The following LHX8 variants were observed in gnomAD, a reference collection of about 807,000 sequenced individuals.
LHX8 encodes the protein LIM/homeobox protein Lhx8.
In LHX8, 12 loss-of-function variants were observed where a neutral mutation model predicts 40.3. The observed-to-expected ratio is 0.30, with a 90% CI of 0.19 to 0.48. LHX8 has a LOEUF of 0.48. Among genes scored for constraint, LHX8 ranks in the 20% least tolerant of loss-of-function variants. LHX8 has a pLI of 0.99. For synonymous variants in LHX8, 179 were observed against 162.0 expected, an observed-to-expected ratio of 1.10 and a Z score of -0.80; for missense variants, 344 against 433.7, an observed-to-expected ratio of 0.79 and a Z score of 1.84.
the LHX8 span, among the ~76,000 whole-genome samples, chr1:75,176,913 C>T: frequency 6.6e-6 from 1 of 152,142 alleles, no homozygotes; most frequent in Non-Finnish European, 1.5e-5. Flanking sequence ...TTTCCTAGCA[C>T]CATTTATTAA....
intron 7 of LHX8, among the ~76,000 whole-genome samples, chr1:75,149,746 C>T (rs755003956): frequency 6.6e-6 from 1 of 152,082 alleles, no homozygotes; most frequent in Non-Finnish European, 1.5e-5. Context: ...AGAGTCTCAC[C>T]GTGTTGCCCA....
chr1:75,195,421 C>G, the LHX8 span, among the ~76,000 whole-genome samples: 2 of 152,100 alleles, frequency 1.3e-5, no homozygotes, highest in African/African-American at 2.4e-5. Context: ...CAGTCCTTAT[C>G]CTTAGGTGAA....
At chr1:75,176,812 A>G in the LHX8 span, among the ~76,000 whole-genome samples, 1 of 152,182 alleles carries the variant, frequency 6.6e-6, no homozygotes. Flanking sequence ...TTTAGGTCTA[A>G]AATGTAAGTC....
downstream of LHX8, among the ~76,000 whole-genome samples, chr1:75,163,002 TGA>T (rs1335212650): frequency 4.3e-5 from 6 of 138,196 alleles, no homozygotes; most frequent in Admixed American, 4.7e-4. Flanking sequence ...TCATGAGCTG[TGA>T]GAGGGTAGGA....
chr1:75,197,712 A>G, the LHX8 span, among the ~76,000 whole-genome samples: 1 of 152,158 alleles, frequency 6.6e-6, no homozygotes, highest in Non-Finnish European at 1.5e-5. Flanking sequence ...CAGGAGCCTC[A>G]CCTATAAGGC....
chr1:75,197,491 G>A, the LHX8 span, among the ~76,000 whole-genome samples: 10 of 152,236 alleles, frequency 6.6e-5, no homozygotes, highest in Middle Eastern at 3.4e-3. Context: ...CAAGTTACAT[G>A]TTATAGATGG....
the LHX8 span, among the ~76,000 whole-genome samples, chr1:75,174,289 CT>C: frequency 6.6e-6 from 1 of 152,172 alleles, no homozygotes; most frequent in African/African-American, 2.4e-5. Flanking sequence ...GGTACAACCC[CT>C]GTCTGCTGAA....
At chr1:75,178,485 G>C in the LHX8 span, among the ~76,000 whole-genome samples, 1 of 152,092 alleles carries the variant, frequency 6.6e-6, no homozygotes, top group African/African-American at 2.4e-5. Flanking sequence ...ATTCTTTGAT[G>C]GTAGTTTGTA....
Position 75,160,675 on chromosome 1 carries a change from G to T in LHX8, c.965-144G>T, listed in dbSNP as rs1013079223. The T allele has an allele frequency of 5.7e-6, 4 of 704,338 alleles. No homozygotes were observed. The African/African-American group carries it at 7.0e-5, about 12-fold the overall frequency. The allele number at this position is 704,338 out of a possible 1,614,324, so 43.6% of individuals were successfully genotyped here. A position where few individuals can be genotyped will look rare whatever the true frequency, so the allele number is the denominator to read the frequency against. ...CTATGCTGAATAGGTTAATGCTTCT[G>T]CTGAGGTCAGTGGAATGAGTGTAGC... On this transcript the variant is annotated intron_variant, in intron 8 of 8. Coordinates refer to ENST00000356261, the MANE Select transcript of LHX8 (RefSeq NM_001256114.2).
intron 7 of LHX8, among the ~76,000 whole-genome samples, chr1:75,155,230 CTT>C (rs57009636): frequency 6.4e-5 from 6 of 94,362 alleles, no homozygotes; most frequent in East Asian, 3.8e-4. Context: ...GAAACACTCT[CTT>C]TTTTTTTTTT....
chr1:75,143,138 C>G lies in LHX8; in HGVS notation c.380C>G (p.Ser127Cys). The stretch of plus-strand genomic sequence containing the variant: ...TGTAGAAGGTATGGAACTCGCTGCT[C>G]TCGATGTGGGAGACACATCCATTCT... The part of the protein sequence containing the change: ...DYFRRYGTRC[S>C]RCGRHIHSTD... Residue 127 changes from serine (S) to cysteine (C), a missense_variant, in exon 5 of 9, where the codon TCT becomes TGT. By Grantham distance (112) the Ser-to-Cys change is moderately radical (BLOSUM62 -1). Transcript: ENST00000356261. 4 of 1,613,584 alleles carry G rather than the reference C, an allele frequency of 2.5e-6. No homozygotes were observed. Among genetic ancestry groups the G allele is most frequent in the Non-Finnish European group, 3.4e-6 (4 of 1,179,606 alleles).
chr1:75,169,877 G>A, the LHX8 span, among the ~76,000 whole-genome samples: 10 of 152,212 alleles, frequency 6.6e-5, no homozygotes, highest in Non-Finnish European at 1.5e-4. Flanking sequence ...CACAAATGTG[G>A]AGGGGGAACT....
In LHX8 at chr1:75,135,230, G is replaced by A. The variant is rs1390815101; in HGVS notation, c.-13+276G>A. Among the ~76,000 whole-genome samples, 3 of 152,330 alleles carry A rather than the reference G, an allele frequency of 2.0e-5. No homozygotes were observed. The East Asian group carries it at 5.8e-4, about 29-fold the overall frequency. On this transcript the variant is annotated intron_variant, in intron 1 of 8. Transcript: ENST00000356261. ...CACGCGGTTTGTCTGAGTAGACTGG[G>A]GAAGCTGACAAGCTCTCACCTCACT...
the LHX8 span, among the ~76,000 whole-genome samples, chr1:75,184,684 A>G: frequency 6.6e-6 from 1 of 152,142 alleles, no homozygotes; most frequent in Non-Finnish European, 1.5e-5. Flanking sequence ...TCAAATTCAC[A>G]ACTTAACATC....
chr1:75,136,999 A>G (rs1570284635), intron 2 of LHX8, 101 bp from the exon 3 acceptor site: 1 of 750,472 alleles, frequency 1.3e-6, no homozygotes, highest in South Asian at 4.2e-5. Flanking sequence ...TGGGGTGGCC[A>G]GGGGGAAGGG....
At chr1:75,174,793 T>C in the LHX8 span, among the ~76,000 whole-genome samples, 2 of 152,186 alleles carry the variant, frequency 1.3e-5, no homozygotes, top group Non-Finnish European at 2.9e-5. Context: ...TGGTTTTCTT[T>C]TTTTTTCATT....
At chr1:75,168,127 C>T in the LHX8 span, among the ~76,000 whole-genome samples, 1 of 152,194 alleles carries the variant, frequency 6.6e-6, no homozygotes, top group Non-Finnish European at 1.5e-5. Flanking sequence ...TCTTTTTCCT[C>T]TGCCCGCAGT....
chr1:75,174,397 A>G, the LHX8 span, among the ~76,000 whole-genome samples: 1 of 152,138 alleles, frequency 6.6e-6, no homozygotes, highest in Non-Finnish European at 1.5e-5. Context: ...CTCACCCTGG[A>G]TATACTCAGC....
At chr1:75,164,427 G>C (rs1471834093), downstream of LHX8, among the ~76,000 whole-genome samples, 1 of 152,102 alleles carries the variant, frequency 6.6e-6, no homozygotes, top group Non-Finnish European at 1.5e-5. Flanking sequence ...AGGCATCTTT[G>C]TGGCTACCTG....
Sources: gnomAD v4.1 joint callset for allele counts (sites outside exome capture counted in the v4.1 genomes callset) on GRCh38, gnomAD v4.1.1 for gene constraint, MANE v1.5 for transcripts, NCBI Gene and HGNC (gene_info 2026-07-23, HGNC 2026-07-21) for gene names.